The following UNC80 variants were observed in gnomAD, a reference collection of about 807,000 sequenced individuals.
UNC80 encodes protein unc-80 homolog.
UNC80 carries 164 observed loss-of-function variants against 384.6 expected under a neutral mutation model. The ratio of observed to expected loss-of-function variants is 0.43; its 90% CI spans 0.38 to 0.49. UNC80 has a LOEUF of 0.49. UNC80 is among the 20% of genes least tolerant of loss of function. The probability of loss-of-function intolerance (pLI) is 0.00; values close to 1 mark genes in which losing one functional copy is unlikely to be tolerated. For missense variants in UNC80, 3,330 were observed against 4,143.0 expected, an observed-to-expected ratio of 0.80 and a Z score of 5.39; for synonymous variants, 1,486 against 1,527.8, an observed-to-expected ratio of 0.97 and a Z score of 0.64.
intron 14 of UNC80, among the ~76,000 whole-genome samples, chr2:209,826,729 C>A (rs1173311434): frequency 6.6e-6 from 1 of 152,060 alleles, no homozygotes; most frequent in African/African-American, 2.4e-5. Context: ...TCAATTTGAA[C>A]AATAACCTAC....
At chr2:209,885,311 G>A (rs1307652189) in intron 25 of UNC80, among the ~76,000 whole-genome samples, 1 of 152,100 alleles carries the variant, frequency 6.6e-6, no homozygotes, top group Admixed American at 6.5e-5. Flanking sequence ...AATGTAAGAG[G>A]GTCCCTGAGA....
chr2:209,921,075 G>T (rs760651654), intron 33 of UNC80, among the ~76,000 whole-genome samples: 1 of 152,070 alleles, frequency 6.6e-6, no homozygotes, highest in East Asian at 1.9e-4. Context: ...TGATCCACCC[G>T]CCTCAGCCTT....
intron 7 of UNC80, among the ~76,000 whole-genome samples, chr2:209,805,506 G>C (rs1473824319): frequency 6.6e-6 from 1 of 152,176 alleles, no homozygotes; most frequent in African/African-American, 2.4e-5. Context: ...CAAGCTGTTG[G>C]CCAGGCCTGC....
At chr2:209,822,532 T>C (rs998909401) in intron 13 of UNC80, among the ~76,000 whole-genome samples, 1 of 152,100 alleles carries the variant, frequency 6.6e-6, no homozygotes, top group African/African-American at 2.4e-5. Context: ...TTTTGCCCAT[T>C]ATAATATTCA....
At chr2:209,842,214 G>C (rs2081815913) in intron 20 of UNC80, 136 bp from the exon 21 acceptor site, 1 of 634,332 alleles carries the variant, frequency 1.6e-6, no homozygotes, top group South Asian at 2.4e-5. Flanking sequence ...AAACTAACCA[G>C]ATGTGGAAGC....
intron 33 of UNC80, among the ~76,000 whole-genome samples, chr2:209,920,111 A>G (rs1026466513): frequency 2.0e-5 from 3 of 152,108 alleles, no homozygotes; most frequent in Non-Finnish European, 4.4e-5. Flanking sequence ...GGAGGTTGCA[A>G]TGAGCTGAGA....
rs137959555 is a variant in UNC80 at position 209,806,140 on chromosome 2, A to G, written c.939-7440A>G. Among the ~76,000 whole-genome samples the G allele has an allele frequency of 3.9e-3, 598 of 152,290 alleles. 6 individuals are homozygous for G. Among genetic ancestry groups the G allele is most frequent in the African/African-American group, 0.014 (563 of 41,554 alleles). ...TTTAAACATATCATAAAAACCAAGAACAGTGTAAAATCCTGAGGTCATAAA... is the reference window on the plus strand; with the variant it reads ...TTTAAACATATCATAAAAACCAAGAGCAGTGTAAAATCCTGAGGTCATAAA... On this transcript the variant is annotated intron_variant, in intron 7 of 64. Coordinates refer to ENST00000673920, the MANE Select transcript of UNC80 (RefSeq NM_001371986.1).
rs1459352312 is a variant in UNC80, at chr2:209,772,100, C to T, written c.28C>T (p.Gln10Ter). Residue 10 changes from glutamine (Q) to a stop codon, truncating the protein, a stop_gained, in exon 1 of 65, where the codon CAG becomes TAG. Transcript: ENST00000673920. LOFTEE classifies it high-confidence loss of function. Reference sequence around the variant, plus strand: ...GGTGAAGAGGAAGAGCTCCGAGGGCCAGGAGCAGGACGGCGGCCGCGGCAT... The same window carrying T: ...GGTGAAGAGGAAGAGCTCCGAGGGCTAGGAGCAGGACGGCGGCCGCGGCAT... MVKRKSSEG[Q>*]EQDGGRGIPL... 1 of 1,549,494 alleles carries T rather than the reference C, an allele frequency of 6.5e-7. No homozygotes were observed. Among genetic ancestry groups the T allele is most frequent in the Middle Eastern group, 1.8e-4 (1 of 5,572 alleles).
intron 7 of UNC80, among the ~76,000 whole-genome samples, chr2:209,800,691 T>C (rs1475656795): frequency 3.3e-5 from 5 of 152,200 alleles, no homozygotes. Context: ...GATATGGACA[T>C]TTAGTGCTAT....
rs1179385377 is a variant in UNC80 at position 209,810,770 on chromosome 2, CTAA to C, written c.939-2803_939-2801del. Among the ~76,000 whole-genome samples the C allele has an allele frequency of 2.1e-3, 326 of 152,282 alleles. 1 individual carries two copies. Among genetic ancestry groups the C allele is most frequent in the Non-Finnish European group, 3.4e-4 (23 of 68,022 alleles). On this transcript the variant is annotated intron_variant, in intron 7 of 64. Transcript: ENST00000673920. ...ATGGGGAGGAAATAATTTGGTCGAA[CTAA>C]TAATAACTGTCTTAACCACAGCAGA...
chr2:209,945,241 A>G lies in UNC80; in HGVS notation c.7189+52A>G, dbSNP rs2091856318. On this transcript the variant is annotated intron_variant, in intron 46 of 64. Coordinates refer to ENST00000673920, the MANE Select transcript of UNC80 (RefSeq NM_001371986.1). ...CTTTTTCTCACTGCAGTTGTTAAAT[A>G]TAAATATATGTATTATACACACATA... 2.6e-6 allele frequency: 4 copies of G among 1,526,952 alleles called. No individual in the cohort carries two copies. In the East Asian group the frequency reaches 9.8e-5, roughly 37 times the overall value. The allele number at this position is 1,526,952 out of a possible 1,614,324, so 94.6% of individuals were successfully genotyped here.
At chr2:209,912,428 T>C in intron 29 of UNC80, 132 bp from the exon 30 acceptor site, 1 of 481,736 alleles carries the variant, frequency 2.1e-6, no homozygotes, top group South Asian at 5.1e-5. Context: ...TTAGAAAATG[T>C]GGACCCACAA....
At chr2:209,885,021 C>T (rs544147782) in intron 25 of UNC80, among the ~76,000 whole-genome samples, 1 of 151,754 alleles carries the variant, frequency 6.6e-6, no homozygotes, top group Admixed American at 6.6e-5. Flanking sequence ...TGTAACAAAC[C>T]TGCACGCCCT....
Position 209,881,238 on chromosome 2 carries a change from CAT to C in UNC80, c.4110+146_4110+147del, listed in dbSNP as rs1451001447. The C allele has an allele frequency of 4.3e-5, 41 of 948,846 alleles. 1 individual carries two copies. The East Asian group carries it at 1.1e-3, about 26-fold the overall frequency. The allele number at this position is 948,846 out of a possible 1,614,324, so 58.8% of individuals were successfully genotyped here. A position where few individuals can be genotyped will look rare whatever the true frequency, so the allele number is the denominator to read the frequency against. ...AAAATTCAACCAAGGGATTTTGAAACATAAAAAGAAATGCTCTTTTCCTCATT... is the reference window on the plus strand; with the variant it reads ...AAAATTCAACCAAGGGATTTTGAAACAAAAAGAAATGCTCTTTTCCTCATT... On this transcript the variant is annotated intron_variant, in intron 25 of 64. Coordinates refer to ENST00000673920, the MANE Select transcript of UNC80 (RefSeq NM_001371986.1).
At chr2:209,902,255 T>G (rs1157578750) in intron 28 of UNC80, among the ~76,000 whole-genome samples, 1 of 152,166 alleles carries the variant, frequency 6.6e-6, no homozygotes, top group Non-Finnish European at 1.5e-5. Context: ...GCTGCAATCT[T>G]ATGATAAAAC....
At position 209,995,801 on chromosome 2, in the gene UNC80, T is replaced by C. The variant is rs1055271750; in HGVS notation, c.*206T>C. 2 of 569,006 alleles carry C rather than the reference T, an allele frequency of 3.5e-6. No individual in the cohort carries two copies. The highest frequency in any genetic ancestry group is 1.9e-5 in the African/African-American group (1 of 53,064). The allele number at this position is 569,006 out of a possible 1,614,324, so 35.2% of individuals were successfully genotyped here. A position where few individuals can be genotyped will look rare whatever the true frequency, so the allele number is the denominator to read the frequency against. ...GTCAATGGCTAAAAGGATTTAGTTG[T>C]GTGAAAATCACAAAACCAGGGAGGA... On this transcript the variant is annotated 3_prime_UTR_variant, in exon 65 of 65. Transcript: ENST00000673920.
At chr2:209,846,470 A>C (rs187828561) in intron 21 of UNC80, among the ~76,000 whole-genome samples, 251 of 152,234 alleles carry the variant, frequency 1.6e-3, no homozygotes, top group Middle Eastern at 0.014. Flanking sequence ...TGCCATCAAC[A>C]CAATGGGAAA....
In UNC80 at chr2:209,820,350, A is replaced by G; in HGVS notation, c.2002A>G (p.Ile668Val). The change falls in exon 13 of 65, where the codon ATC (isoleucine) becomes GTC (valine). Residue 668 changes from isoleucine (I) to valine (V), a missense_variant. This residue lies in a region of UNC80 where 937 missense variants were observed against 1,026.8 expected (regional missense o/e 0.91). Transcript: ENST00000673920. ...KAVYLVLNHD[I>V]SSRICDVALN... Reference sequence around the variant, plus strand: ...TGTTTATCTTGTCCTTAATCATGACATCAGCTCTCGTATCTGTGACGTGGC... The same window carrying G: ...TGTTTATCTTGTCCTTAATCATGACGTCAGCTCTCGTATCTGTGACGTGGC... The G allele has an allele frequency of 1.9e-6, 3 of 1,550,954 alleles. No homozygotes were observed. Among genetic ancestry groups the G allele is most frequent in the Admixed American group, 2.0e-5 (1 of 50,848 alleles).
intron 56 of UNC80, among the ~76,000 whole-genome samples, chr2:209,974,916 T>A (rs1175732502): frequency 6.6e-6 from 1 of 151,514 alleles, no homozygotes; most frequent in Non-Finnish European, 1.5e-5. Flanking sequence ...GAAAGAGGAG[T>A]GTTGTTTTTT....
Sources: allele counts gnomAD v4.1 joint callset (sites outside exome capture counted in the v4.1 genomes callset), GRCh38; gene constraint gnomAD v4.1.1; regional missense constraint gnomAD v4.1.1; transcripts MANE v1.5; gene names NCBI Gene and HGNC (gene_info 2026-07-23, HGNC 2026-07-21).